ADGRA1: variants seen among roughly 807,000 people sequenced by gnomAD.
ADGRA1 encodes adhesion G protein-coupled receptor A1.
In ADGRA1, 12 loss-of-function variants were observed where a neutral mutation model predicts 21.3. The ratio of observed to expected loss-of-function variants is 0.56; its 90% CI spans 0.36 to 0.91. The LOEUF is 0.91. Ranked by LOEUF, ADGRA1 falls within the 40% of genes least tolerant of loss-of-function variation. The pLI is 0.01. For synonymous variants in ADGRA1, 385 were observed against 368.8 expected (o/e 1.04, Z -0.50); for missense variants, 790 against 805.6 (o/e 0.98, Z 0.23).
chr10:133,103,363 C>G (rs1364099281), intron 5 of ADGRA1, among the ~76,000 whole-genome samples: 1 of 152,224 alleles, frequency 6.6e-6, no homozygotes, highest in Admixed American at 6.5e-5. Flanking sequence ...ACCTCACACA[C>G]TCAGGCACTC....
At chr10:133,105,688 C>T (rs898376976) in intron 5 of ADGRA1, among the ~76,000 whole-genome samples, 4 of 152,224 alleles carry the variant, frequency 2.6e-5, no homozygotes, top group African/African-American at 9.6e-5. Context: ...ACAAGACAGC[C>T]TGGTCAGCAG....
chr10:133,092,828 A>AGAGG (rs201461714), intron 2 of ADGRA1, among the ~76,000 whole-genome samples: 935 of 76,966 alleles, frequency 0.012, 31 homozygotes, highest in African/African-American at 0.032. Flanking sequence ...AGGAAGGAAG[A>AGAGG]GAGGGAGGGA....
rs748351909 is a variant in ADGRA1, at chr10:133,129,005, ACGG to A, written c.1181_1183del (p.Ala394del). ...CGCCAAGATGCACTGCGAGCCACTG[ACGG>A]CGGACGAGGCGCACGTGCACCTGCA... On this transcript the variant is annotated inframe_deletion, in exon 7 of 7. Transcript: ENST00000392607. 38 of 1,569,166 alleles carry A rather than the reference ACGG, an allele frequency of 2.4e-5. No homozygotes were observed. Among genetic ancestry groups the A allele is most frequent in the Non-Finnish European group, 3.3e-5 (38 of 1,157,134 alleles).
chr10:133,094,056 G>T (rs2135865458), intron 2 of ADGRA1, among the ~76,000 whole-genome samples: 1 of 152,368 alleles, frequency 6.6e-6, no homozygotes, highest in Non-Finnish European at 1.5e-5. Context: ...GAGGACCATG[G>T]CCCAGGCCTC....
intron 2 of ADGRA1, chr10:133,095,694 C>A: frequency 6.3e-7 from 1 of 1,597,686 alleles, no homozygotes; most frequent in Non-Finnish European, 8.5e-7. Flanking sequence ...CAGCCAGGGC[C>A]TCGTCTTGGC....
intron 5 of ADGRA1, among the ~76,000 whole-genome samples, 164 bp downstream of exon 5, chr10:133,103,006 G>C (rs1376281479): frequency 6.6e-6 from 1 of 152,010 alleles, no homozygotes; most frequent in East Asian, 1.9e-4. Flanking sequence ...AGCGGGCGAC[G>C]GATCTGAGGG....
At position 133,121,792 on chromosome 10, in the gene ADGRA1, AGTGT is replaced by A. The variant is rs370825058; in HGVS notation, c.402-5433_402-5430del. Among the ~76,000 whole-genome samples, 419 of 133,502 alleles carry A rather than the reference AGTGT, an allele frequency of 3.1e-3. 3 individuals carry two copies. Among genetic ancestry groups the A allele is most frequent in the Non-Finnish European group, 1.7e-3 (107 of 64,286 alleles). 87.6% of individuals were successfully genotyped at this position (133,502 alleles called of 152,430 possible). A position where few individuals can be genotyped will look rare whatever the true frequency, so the allele number is the denominator to read the frequency against. On this transcript the variant is annotated intron_variant, in intron 5 of 6. Coordinates refer to ENST00000392607, the MANE Select transcript of ADGRA1 (RefSeq NM_001083909.3). The stretch of plus-strand genomic sequence containing the variant: ...AGTGTGAGTGTGCGTGTCGTGTGCC[AGTGT>A]GTGTGTGAGTGTGCTTGTGTGTGTG...
chr10:133,088,645 G>A (rs1851545173), intron 1 of ADGRA1, 63 bp from the exon 2 acceptor site: 1 of 1,091,104 alleles, frequency 9.2e-7, no homozygotes, highest in Non-Finnish European at 1.2e-6. Context: ...GCGGGGTCGG[G>A]GCTGCGAGCT....
chr10:133,115,077 T>C (rs1360139867), intron 5 of ADGRA1, among the ~76,000 whole-genome samples: 1 of 152,094 alleles, frequency 6.6e-6, no homozygotes. Context: ...GAGGGGTGGC[T>C]AGGAGCCTGG....
rs1354898823 is a variant in ADGRA1 at position 133,089,444 on chromosome 10, G to A, written c.3+532G>A. ...AGGGTGTTTCAGCGGGAAGGGGCTCGTGGCTGGCAGCTGGCTGGATCGGCT... is the reference window on the plus strand; with the variant it reads ...AGGGTGTTTCAGCGGGAAGGGGCTCATGGCTGGCAGCTGGCTGGATCGGCT... On this transcript the variant is annotated intron_variant, in intron 2 of 6. Coordinates refer to ENST00000392607, the MANE Select transcript of ADGRA1 (RefSeq NM_001083909.3). 3.9e-5 allele frequency among the ~76,000 whole-genome samples: 6 copies of A among 152,352 alleles called. No homozygotes were observed. In the South Asian group the frequency reaches 8.3e-4, roughly 21 times the overall value.
chr10:133,127,152 G>A (rs902226116), intron 5 of ADGRA1, 81 bp from the exon 6 acceptor site: 5 of 862,942 alleles, frequency 5.8e-6, no homozygotes, highest in African/African-American at 5.4e-5. Context: ...CCCTTGCCCC[G>A]CGGAGTGGGG....
intron 4 of ADGRA1, chr10:133,102,240 G>A (rs1326887578): frequency 8.6e-6 from 4 of 466,534 alleles, no homozygotes; most frequent in Non-Finnish European, 1.7e-5. Flanking sequence ...CCACACGAAT[G>A]CCGTCCCCGT....
At chr10:133,115,967 C>T (rs974516573) in intron 5 of ADGRA1, among the ~76,000 whole-genome samples, 9 of 152,166 alleles carry the variant, frequency 5.9e-5, no homozygotes, top group African/African-American at 1.7e-4. Context: ...CTTATCCCTC[C>T]CGCTCACCTC....
intron 2 of ADGRA1, among the ~76,000 whole-genome samples, chr10:133,094,727 G>T (rs895587275): frequency 6.6e-6 from 1 of 151,506 alleles, no homozygotes; most frequent in Non-Finnish European, 1.5e-5. Context: ...ACTGTGTAGA[G>T]CGTTCAGGTT....
chr10:133,111,806 CA>C (rs1852017626), intron 5 of ADGRA1, among the ~76,000 whole-genome samples: 1 of 148,624 alleles, frequency 6.7e-6, no homozygotes, highest in African/African-American at 2.5e-5. Flanking sequence ...CTGCCCACCA[CA>C]GGCACCTCCC....
At position 133,122,058 on chromosome 10, in the gene ADGRA1, C is replaced by T. The variant is rs190938671; in HGVS notation, c.402-5175C>T. 8.5e-5 allele frequency among the ~76,000 whole-genome samples: 13 copies of T among 152,088 alleles called. No individual in the cohort carries two copies. In the East Asian group the frequency reaches 2.5e-3, roughly 29 times the overall value. ...GTGTGTGAGAGTGGGGGGGCATGTA[C>T]GTGTGGAAGTGTCATGCAAGCATAC... On this transcript the variant is annotated intron_variant, in intron 5 of 6. Coordinates refer to ENST00000392607, the MANE Select transcript of ADGRA1 (RefSeq NM_001083909.3).
intron 5 of ADGRA1, among the ~76,000 whole-genome samples, chr10:133,111,097 G>C (rs902122384): frequency 4.4e-5 from 6 of 136,380 alleles, no homozygotes; most frequent in East Asian, 2.1e-4. Context: ...GCCATGGGCA[G>C]CTCCCCTCCT....
chr10:133,123,491 C>A (rs1184700777), intron 5 of ADGRA1, among the ~76,000 whole-genome samples: 1 of 152,166 alleles, frequency 6.6e-6, no homozygotes, highest in Non-Finnish European at 1.5e-5. Context: ...CACGAGGCTC[C>A]CCAGTCACCC....
intron 5 of ADGRA1, among the ~76,000 whole-genome samples, chr10:133,105,004 C>T (rs984710685): frequency 6.6e-5 from 10 of 152,218 alleles, no homozygotes; most frequent in Admixed American, 2.6e-4. Context: ...CTCACCTCCC[C>T]CTCCTCCACC....
Sources: allele counts gnomAD v4.1 joint callset (sites outside exome capture counted in the v4.1 genomes callset), GRCh38; gene constraint gnomAD v4.1.1; transcripts MANE v1.5; gene names NCBI Gene and HGNC (gene_info 2026-07-23, HGNC 2026-07-21).